Variants in SPHKAP observed in about 807,000 individuals in gnomAD.
SPHKAP encodes the protein A-kinase anchor protein SPHKAP.
SPHKAP carries 67 observed loss-of-function variants against 137.5 expected under a neutral mutation model. That is an observed-to-expected ratio of 0.49 (90% CI 0.40 to 0.60). SPHKAP has a LOEUF of 0.60. SPHKAP is among the 20% of genes least tolerant of loss of function. The probability of loss-of-function intolerance (pLI) is 0.00; values close to 1 mark genes in which losing one functional copy is unlikely to be tolerated. For missense variants in SPHKAP, 2,097 were observed against 2,069.3 expected, an observed-to-expected ratio of 1.01 and a Z score of -0.26; for synonymous variants, 813 against 785.3, an observed-to-expected ratio of 1.04 and a Z score of -0.59.
intron 7 of SPHKAP, among the ~76,000 whole-genome samples, chr2:228,004,457 A>AT (rs1293556614): frequency 2.0e-5 from 3 of 151,414 alleles, no homozygotes; most frequent in Admixed American, 1.3e-4. Flanking sequence ...TCTGTTCTTT[A>AT]TTAGTCTTGC....
chr2:227,997,571 A>G (rs890307185), intron 7 of SPHKAP, among the ~76,000 whole-genome samples: 2 of 152,202 alleles, frequency 1.3e-5, no homozygotes, highest in East Asian at 3.8e-4. Flanking sequence ...GTCTAATAAC[A>G]TGCTTTTGTT....
At chr2:228,142,448 G>A (rs1699635164) in intron 1 of SPHKAP, among the ~76,000 whole-genome samples, 2 of 151,756 alleles carry the variant, frequency 1.3e-5, no homozygotes, top group Admixed American at 1.3e-4. Context: ...CTCCAGCCTG[G>A]GTGACAGAGC....
chr2:228,158,778 T>C (rs911535614), intron 1 of SPHKAP, among the ~76,000 whole-genome samples: 2 of 152,204 alleles, frequency 1.3e-5, no homozygotes, highest in African/African-American at 4.8e-5. Context: ...ATACAACTTA[T>C]TTCAGTCTGC....
rs1694762325 is a variant in SPHKAP at position 228,019,742 on chromosome 2, T to C, written c.1112A>G (p.His371Arg). The C allele has an allele frequency of 1.2e-6, 2 of 1,614,238 alleles. No individual in the cohort carries two copies. The highest frequency in any genetic ancestry group is 1.7e-6 in the Non-Finnish European group (2 of 1,180,034). The change falls in exon 7 of 12, where the codon CAT becomes CGT. Residue 371 changes from histidine to arginine, a missense_variant. By Grantham distance (29) the His-to-Arg change is conservative (BLOSUM62 0). Coordinates refer to ENST00000392056, the MANE Select transcript of SPHKAP (RefSeq NM_001142644.2). ...EQRSNLNPGD[H>R]EDTRNALPPR... is the part of the protein sequence containing the mutation. The stretch of plus-strand genomic sequence containing the variant: ...AGGGAGAGCGTTTCTTGTGTCTTCA[T>C]GGTCTCCTGGGTTTAGGTTGCTTCT...
chr2:228,171,813 G>T (rs1269920672), intron 1 of SPHKAP, among the ~76,000 whole-genome samples: 2 of 152,104 alleles, frequency 1.3e-5, no homozygotes, highest in Non-Finnish European at 2.9e-5. Context: ...AGGAGAGAGT[G>T]TCTGCTCAAT....
intron 11 of SPHKAP, among the ~76,000 whole-genome samples, chr2:227,989,840 C>T (rs1439508014): frequency 6.6e-6 from 1 of 151,050 alleles, no homozygotes; most frequent in Non-Finnish European, 1.5e-5. Context: ...TGGTCTTGAA[C>T]TCCTGACCTC....
chr2:228,153,117 G>A (rs1699988152), intron 1 of SPHKAP, among the ~76,000 whole-genome samples: 1 of 152,108 alleles, frequency 6.6e-6, no homozygotes, highest in South Asian at 2.1e-4. Context: ...CTAGCCACAT[G>A]GAACTGTGAG....
chr2:228,176,637 G>C (rs1435285935), intron 1 of SPHKAP, among the ~76,000 whole-genome samples: 2 of 152,218 alleles, frequency 1.3e-5, no homozygotes, highest in Non-Finnish European at 2.9e-5. Flanking sequence ...CACTTCGGGA[G>C]GCCAGGGCAG....
intron 3 of SPHKAP, among the ~76,000 whole-genome samples, chr2:228,036,506 C>T (rs1489522963): frequency 2.0e-5 from 3 of 152,230 alleles, no homozygotes; most frequent in African/African-American, 7.2e-5. Context: ...CTAGAAATAC[C>T]ATTTGACTCA....
At position 228,019,132 on chromosome 2, in the gene SPHKAP, A is replaced by G; in HGVS notation, c.1722T>C (p.Gly574=). Residue 574 remains glycine (G), a synonymous_variant, in exon 7 of 12, where the codon GGT becomes GGC. Transcript: ENST00000392056. The stretch of plus-strand genomic sequence containing the variant: ...CTGAGCATGTCACCTCTTCTCTTTC[A>G]CCCAGACCACAGACAGCCACGGCAC... ...VASAVAVCGL[G]EREEVTCSVA... 6.2e-7 allele frequency: 1 copy of G among 1,613,736 alleles called. No individual in the cohort carries two copies. Among genetic ancestry groups the G allele is most frequent in the Non-Finnish European group, 8.5e-7 (1 of 1,180,012 alleles).
chr2:228,113,338 T>A lies in SPHKAP; in HGVS notation c.139-4399A>T, dbSNP rs181360476. ...TATCTGAATTAAATTTCTAGGCTTGTGAGGTAAATTCTCAAGGCTAACATA... is the reference window on the plus strand; with the variant it reads ...TATCTGAATTAAATTTCTAGGCTTGAGAGGTAAATTCTCAAGGCTAACATA... On this transcript the variant is annotated intron_variant, in intron 2 of 11. Coordinates refer to ENST00000392056, the MANE Select transcript of SPHKAP (RefSeq NM_001142644.2). Among the ~76,000 whole-genome samples the A allele has an allele frequency of 3.9e-4, 60 of 152,242 alleles. No homozygotes were observed. In the East Asian group the frequency reaches 9.7e-3, roughly 25 times the overall value.
At chr2:228,125,948 C>A (rs562175576) in intron 2 of SPHKAP, among the ~76,000 whole-genome samples, 1 of 151,996 alleles carries the variant, frequency 6.6e-6, no homozygotes, top group African/African-American at 2.4e-5. Context: ...GGTGTCATGG[C>A]GTCCACCTGT....
Position 228,025,465 on chromosome 2 carries a change from T to C in SPHKAP, c.370A>G (p.Lys124Glu). 1 of 1,613,938 alleles carries C rather than the reference T, an allele frequency of 6.2e-7. No homozygotes were observed. Reference protein sequence around the residue: ...LISSMNVQQPKENEIVVLSGL... With the variant: ...LISSMNVQQPEENEIVVLSGL... Reference sequence around the variant, plus strand: ...CTTAGGACAACAATTTCATTTTCTTTTGGTTGTTGGACATTCATGGAACTG... The same window carrying C: ...CTTAGGACAACAATTTCATTTTCTTCTGGTTGTTGGACATTCATGGAACTG... Residue 124 changes from lysine (K) to glutamate (E), a missense_variant, in exon 5 of 12, where the codon AAA becomes GAA. Transcript: ENST00000392056.
chr2:228,120,763 G>A (rs959074094), intron 2 of SPHKAP, among the ~76,000 whole-genome samples: 8 of 152,200 alleles, frequency 5.3e-5, no homozygotes, highest in Non-Finnish European at 4.4e-5. Context: ...AGAAGGCTTT[G>A]AAAGTTGATC....
intron 7 of SPHKAP, among the ~76,000 whole-genome samples, chr2:228,011,950 G>GAGCCC (rs1694389228): frequency 6.6e-6 from 1 of 152,042 alleles, no homozygotes; most frequent in Admixed American, 6.5e-5. Flanking sequence ...AGGATCACTT[G>GAGCCC]AGCCCAGGAG....
chr2:228,181,425 A>T lies in SPHKAP; in HGVS notation c.32+142T>A. 8.4e-7 allele frequency: 1 copy of T among 1,183,730 alleles called. No individual in the cohort carries two copies. The highest frequency in any genetic ancestry group is 1.3e-5 in the South Asian group (1 of 79,308). The allele number at this position is 1,183,730 out of a possible 1,614,324, so 73.3% of individuals were successfully genotyped here. A position where few individuals can be genotyped will look rare whatever the true frequency, so the allele number is the denominator to read the frequency against. Reference sequence around the variant, plus strand: ...GCTCCAGCGAGGCTGGGCCGGACTTATTTACAAGTGCAGTGACCCCTGTCT... The same window carrying T: ...GCTCCAGCGAGGCTGGGCCGGACTTTTTTACAAGTGCAGTGACCCCTGTCT... On this transcript the variant is annotated intron_variant, in intron 1 of 11. Coordinates refer to ENST00000392056, the MANE Select transcript of SPHKAP (RefSeq NM_001142644.2). The surrounding 1 kb of genome is among the most constrained non-coding windows in gnomAD (Gnocchi z 4.3).
rs558049262 is a variant in SPHKAP at position 228,082,110 on chromosome 2, A to C, written c.246+26722T>G. Among the ~76,000 whole-genome samples the C allele has an allele frequency of 3.3e-5, 5 of 152,350 alleles. No homozygotes were observed. In the East Asian group the frequency reaches 9.6e-4, roughly 29 times the overall value. Reference sequence around the variant, plus strand: ...AAAAACAAATAAATACTCTATTTACAAAACAGGCAGTGGCCCAGATTTGGT... The same window carrying C: ...AAAAACAAATAAATACTCTATTTACCAAACAGGCAGTGGCCCAGATTTGGT... On this transcript the variant is annotated intron_variant, in intron 3 of 11. Coordinates refer to ENST00000392056, the MANE Select transcript of SPHKAP (RefSeq NM_001142644.2).
chr2:228,020,936 C>T (rs1694819762), intron 6 of SPHKAP, among the ~76,000 whole-genome samples: 1 of 152,102 alleles, frequency 6.6e-6, no homozygotes. Context: ...GAAAGCAACC[C>T]AGACAGTTGC....
At chr2:228,063,224 C>T (rs56370641) in intron 3 of SPHKAP, among the ~76,000 whole-genome samples, 7,341 of 122,262 alleles carry the variant, frequency 0.06, 196 homozygotes, top group East Asian at 0.16. Context: ...ACCTGTCTAT[C>T]TACCTGTCTA....
Sources: gnomAD v4.1 joint callset for allele counts (sites outside exome capture counted in the v4.1 genomes callset) on GRCh38, gnomAD v4.1.1 for gene constraint, Gnocchi (gnomAD v3.1) non-coding constraint, MANE v1.5 for transcripts, NCBI Gene and HGNC (gene_info 2026-07-23, HGNC 2026-07-21) for gene names.